Variants in CLSTN2 observed in about 807,000 individuals in gnomAD.
CLSTN2 encodes calsyntenin-2.
In CLSTN2, 48 loss-of-function variants were observed where a neutral mutation model predicts 101.2. The ratio of observed to expected loss-of-function variants is 0.47; its 90% CI spans 0.38 to 0.60. CLSTN2 has a LOEUF of 0.60. CLSTN2 is among the 20% of genes least tolerant of loss of function. The probability of loss-of-function intolerance (pLI) is 0.00; values close to 1 mark genes in which losing one functional copy is unlikely to be tolerated. For missense variants in CLSTN2, 1,160 were observed against 1,238.2 expected, an observed-to-expected ratio of 0.94 and a Z score of 0.95; for synonymous variants, 481 against 463.6, an observed-to-expected ratio of 1.04 and a Z score of -0.48.
At chr3:140,511,716 ATT>A (rs34793896) in intron 8 of CLSTN2, among the ~76,000 whole-genome samples, 3 of 142,414 alleles carry the variant, frequency 2.1e-5, no homozygotes, top group Non-Finnish European at 1.5e-5. Context: ...CACCTGGCTA[ATT>A]TTTTTTTTTT....
At chr3:140,283,004 A>T (rs2086862881) in intron 2 of CLSTN2, among the ~76,000 whole-genome samples, 1 of 152,068 alleles carries the variant, frequency 6.6e-6, no homozygotes, top group African/African-American at 2.4e-5. Context: ...GTTGTATCTC[A>T]CCAGTGATAT....
intron 2 of CLSTN2, among the ~76,000 whole-genome samples, chr3:140,195,109 G>A (rs2010625771): frequency 6.6e-6 from 1 of 152,178 alleles, no homozygotes; most frequent in Admixed American, 6.5e-5. Context: ...TGGATGTCTA[G>A]GCTTTCTACT....
intron 1 of CLSTN2, among the ~76,000 whole-genome samples, chr3:140,085,453 G>A (rs2008665977): frequency 6.6e-6 from 1 of 152,128 alleles, no homozygotes; most frequent in African/African-American, 2.4e-5. Context: ...CAAGTCTTCT[G>A]CTCACAGTCT....
chr3:140,438,431 T>TAAGAA (rs2088709918), intron 5 of CLSTN2, among the ~76,000 whole-genome samples: 1 of 45,678 alleles, frequency 2.2e-5, no homozygotes, highest in African/African-American at 1.3e-4. Context: ...GTCCTTTCAT[T>TAAGAA]AAAAAAAAAA....
At chr3:140,450,447 G>A (rs1933217791) in intron 6 of CLSTN2, among the ~76,000 whole-genome samples, 1 of 152,232 alleles carries the variant, frequency 6.6e-6, no homozygotes, top group Non-Finnish European at 1.5e-5. Flanking sequence ...ATGGTGATGG[G>A]CCTCCTTCAC....
At chr3:140,245,721 G>A (rs1344382215) in intron 2 of CLSTN2, among the ~76,000 whole-genome samples, 2 of 152,170 alleles carry the variant, frequency 1.3e-5, no homozygotes, top group Non-Finnish European at 2.9e-5. Flanking sequence ...ATCACAATAA[G>A]TAGATCTTTC....
intron 1 of CLSTN2, among the ~76,000 whole-genome samples, chr3:140,044,956 A>T (rs908339357): frequency 6.6e-6 from 1 of 152,216 alleles, no homozygotes; most frequent in Admixed American, 6.5e-5. Context: ...GGATTTTTGC[A>T]TCGATGTTCA....
At chr3:140,565,350 T>C (rs779846002) in intron 16 of CLSTN2, among the ~76,000 whole-genome samples, 3 of 150,920 alleles carry the variant, frequency 2.0e-5, no homozygotes, top group Non-Finnish European at 4.4e-5. Context: ...AGGGGAGGGG[T>C]TGGGTAGCCA....
chr3:140,486,911 C>G (rs1371779386), intron 8 of CLSTN2, among the ~76,000 whole-genome samples: 1 of 152,118 alleles, frequency 6.6e-6, no homozygotes, highest in Non-Finnish European at 1.5e-5. Flanking sequence ...AGTTTTGGAC[C>G]TGGGAAAGTA....
At chr3:140,344,312 A>T (rs920499989) in intron 2 of CLSTN2, among the ~76,000 whole-genome samples, 3 of 152,168 alleles carry the variant, frequency 2.0e-5, no homozygotes, top group Non-Finnish European at 4.4e-5. Flanking sequence ...ATGGAGGAGC[A>T]CAGAGGACAG....
In CLSTN2 at chr3:140,008,226, G is replaced by T. The variant is rs566814821; in HGVS notation, c.109+72743G>T. 7.9e-5 allele frequency among the ~76,000 whole-genome samples: 12 copies of T among 152,350 alleles called. 1 individual carries two copies. The South Asian group carries it at 2.5e-3, about 32-fold the overall frequency. ...TGAATGTGTCCCATGAGTGTCCTGT[G>T]CTTCCTCAAGGGAATAGCTGTGAGC... On this transcript the variant is annotated intron_variant, in intron 1 of 16. Coordinates refer to ENST00000458420, the MANE Select transcript of CLSTN2 (RefSeq NM_022131.3).
At chr3:140,044,584 G>T (rs1301174086) in intron 1 of CLSTN2, among the ~76,000 whole-genome samples, 2 of 152,182 alleles carry the variant, frequency 1.3e-5, no homozygotes, top group African/African-American at 4.8e-5. Context: ...GGAGTGGTGA[G>T]AGAGGGCATC....
chr3:140,257,882 A>G (rs2086617527), intron 2 of CLSTN2, among the ~76,000 whole-genome samples: 1 of 152,202 alleles, frequency 6.6e-6, no homozygotes, highest in Non-Finnish European at 1.5e-5. Flanking sequence ...GTCCCAATAG[A>G]CAAATAACTG....
intron 1 of CLSTN2, among the ~76,000 whole-genome samples, chr3:140,160,144 C>T (rs112647958): frequency 2.6e-5 from 4 of 151,902 alleles, no homozygotes; most frequent in Middle Eastern, 3.4e-3. Context: ...TGCACATATA[C>T]CCCGTGTATC....
intron 2 of CLSTN2, among the ~76,000 whole-genome samples, chr3:140,384,091 T>G (rs1335155990): frequency 6.6e-6 from 1 of 152,194 alleles, no homozygotes; most frequent in Non-Finnish European, 1.5e-5. Context: ...ACGTTTACAT[T>G]GGCTTTTTGT....
At chr3:140,260,158 T>TATATA (rs2086639205) in intron 2 of CLSTN2, among the ~76,000 whole-genome samples, 2 of 146,776 alleles carry the variant, frequency 1.4e-5, no homozygotes, top group African/African-American at 5.0e-5. Flanking sequence ...ATATATATAT[T>TATATA]ATATATAAAA....
chr3:140,219,301 C>T (rs2086243394), intron 2 of CLSTN2, among the ~76,000 whole-genome samples: 1 of 151,966 alleles, frequency 6.6e-6, no homozygotes, highest in African/African-American at 2.4e-5. Flanking sequence ...TATCAAAGAC[C>T]TTCTCTGACC....
At chr3:140,324,744 G>A (rs969749739) in intron 2 of CLSTN2, among the ~76,000 whole-genome samples, 5 of 152,216 alleles carry the variant, frequency 3.3e-5, no homozygotes, top group Non-Finnish European at 7.3e-5. Context: ...AAATCAATGT[G>A]AAGAAGCAGC....
chr3:140,432,048 T>A (rs906139129), intron 5 of CLSTN2, among the ~76,000 whole-genome samples: 1 of 152,158 alleles, frequency 6.6e-6, no homozygotes, highest in Admixed American at 6.5e-5. Flanking sequence ...TCCATAGAAT[T>A]GAGTAAGGCT....
Sources: allele counts gnomAD v4.1 joint callset (sites outside exome capture counted in the v4.1 genomes callset), GRCh38; gene constraint gnomAD v4.1.1; transcripts MANE v1.5; gene names NCBI Gene and HGNC (gene_info 2026-07-23, HGNC 2026-07-21).